KANSL1: variants seen among roughly 807,000 people sequenced by gnomAD.
KANSL1 encodes the protein MLL1/MLL complex subunit KANSL1.
Under a neutral mutation model 103.6 loss-of-function variants are expected in KANSL1, and 22 were observed. That is an observed-to-expected ratio of 0.21 (90% confidence interval 0.15 to 0.30). The LOEUF (loss-of-function observed/expected upper bound fraction) is 0.30, where lower values mean the gene tolerates loss of function less well. KANSL1 is among the 10% of genes least tolerant of loss of function. The pLI, the probability that KANSL1 is intolerant of heterozygous loss-of-function variation, is 1.00. For missense variants in KANSL1, 1,337 were observed against 1,399.8 expected (o/e 0.96, Z 0.72); for synonymous variants, 600 against 527.6 (o/e 1.14, Z -1.88).
At chr17:46,215,284 C>A (rs1205802039) in intron 1 of KANSL1, 1 of 152,518 alleles carries the variant, frequency 6.6e-6, no homozygotes, top group Non-Finnish European at 1.5e-5. Flanking sequence ...ACAGGGTTCA[C>A]AGAAGGAACT....
At chr17:46,087,194 T>G (rs1383602315) in intron 3 of KANSL1, among the ~76,000 whole-genome samples, 2 of 152,232 alleles carry the variant, frequency 1.3e-5, no homozygotes, top group Non-Finnish European at 2.9e-5. Context: ...CTCTTCTTCA[T>G]TTGTTCAGAG....
intron 6 of KANSL1, among the ~76,000 whole-genome samples, chr17:46,052,569 C>A (rs571041592): frequency 6.6e-6 from 1 of 151,998 alleles, no homozygotes; most frequent in Admixed American, 6.5e-5. Flanking sequence ...CACACCACTG[C>A]ACTCCAGCCT....
chr17:46,186,411 A>G (rs945595523), intron 1 of KANSL1, among the ~76,000 whole-genome samples: 12 of 145,952 alleles, frequency 8.2e-5, no homozygotes, highest in Non-Finnish European at 1.5e-4. Flanking sequence ...ATTCTAAAGG[A>G]AACAGGTTAT....
At chr17:46,099,483 C>T (rs963208788) in intron 2 of KANSL1, among the ~76,000 whole-genome samples, 1 of 152,120 alleles carries the variant, frequency 6.6e-6, no homozygotes, top group African/African-American at 2.4e-5. Flanking sequence ...ACATTAGGGA[C>T]ATGTTTAATG....
chr17:46,170,172 C>CCACA (rs2046210510), intron 2 of KANSL1: 1 of 150,266 alleles, frequency 6.7e-6, no homozygotes, highest in African/African-American at 2.4e-5. Context: ...CAAAAAACAA[C>CCACA]AAAAAAAACA....
chr17:46,177,823 G>C (rs2046596409), intron 1 of KANSL1, among the ~76,000 whole-genome samples: 1 of 151,806 alleles, frequency 6.6e-6, no homozygotes, highest in Non-Finnish European at 1.5e-5. Flanking sequence ...TGTCACCCAG[G>C]CTGGAGAGCA....
intron 2 of KANSL1, among the ~76,000 whole-genome samples, chr17:46,106,928 C>T (rs2042591855): frequency 1.3e-5 from 2 of 152,126 alleles, no homozygotes; most frequent in Admixed American, 1.3e-4. Context: ...GTTCTAAGCA[C>T]AATTATAAAT....
upstream of KANSL1, among the ~76,000 whole-genome samples, chr17:46,195,727 T>G (rs1389696398): frequency 1.3e-5 from 2 of 152,166 alleles, no homozygotes; most frequent in African/African-American, 4.8e-5. Context: ...TGTTATTTTT[T>G]TCACTCCTTT....
At chr17:46,037,818 A>T (rs2077194055) in intron 10 of KANSL1, 1 of 152,244 alleles carries the variant, frequency 6.6e-6, no homozygotes, top group Non-Finnish European at 1.5e-5. Flanking sequence ...CATAGCAGCT[A>T]CAGGTATGTA....
chr17:46,122,235 C>T (rs2043313030), intron 2 of KANSL1, among the ~76,000 whole-genome samples: 1 of 152,186 alleles, frequency 6.6e-6, no homozygotes, highest in Non-Finnish European at 1.5e-5. Flanking sequence ...AGGCTTCAAG[C>T]CCCTCTATCA....
At chr17:46,081,309 T>C (rs541563098) in intron 4 of KANSL1, among the ~76,000 whole-genome samples, 1 of 152,318 alleles carries the variant, frequency 6.6e-6, no homozygotes, top group Non-Finnish European at 1.5e-5. Flanking sequence ...ATACCACCAA[T>C]GTATCTATGT....
intron 7 of KANSL1, chr17:46,049,568 G>A (rs1378319617): frequency 1.3e-5 from 2 of 152,042 alleles, no homozygotes; most frequent in African/African-American, 4.8e-5. Flanking sequence ...TGCCTGCCTT[G>A]GTCTCCCAAA....
chr17:46,132,939 G>A (rs955335160), intron 2 of KANSL1, among the ~76,000 whole-genome samples: 1 of 152,214 alleles, frequency 6.6e-6, no homozygotes, highest in East Asian at 1.9e-4. Context: ...GCAAGACCGT[G>A]TCTCGAAAAA....
intron 4 of KANSL1, among the ~76,000 whole-genome samples, chr17:46,069,706 T>G (rs1264317280): frequency 6.6e-6 from 1 of 151,968 alleles, no homozygotes; most frequent in Non-Finnish European, 1.5e-5. Context: ...ATCACGCCAC[T>G]GCACTGCAGC....
chr17:46,173,639 GCAAT>G (rs908363157), intron 1 of KANSL1, among the ~76,000 whole-genome samples: 1 of 152,186 alleles, frequency 6.6e-6, no homozygotes, highest in Non-Finnish European at 1.5e-5. Flanking sequence ...GTTGACATTT[GCAAT>G]CAGAGTACAA....
chr17:46,194,194 G>C (rs965934209), upstream of KANSL1, among the ~76,000 whole-genome samples: 1 of 152,266 alleles, frequency 6.6e-6, no homozygotes, highest in Non-Finnish European at 1.5e-5. Context: ...TGTAGTTTTC[G>C]TGAAGAAACA....
chr17:46,046,764 G>A (rs1453747005), intron 7 of KANSL1, among the ~76,000 whole-genome samples: 1 of 151,200 alleles, frequency 6.6e-6, no homozygotes, highest in Admixed American at 6.6e-5. Flanking sequence ...TTGAACTTGG[G>A]AGGCGGAGGT....
intron 2 of KANSL1, among the ~76,000 whole-genome samples, chr17:46,097,763 T>C (rs1401105536): frequency 2.0e-5 from 3 of 152,092 alleles, no homozygotes; most frequent in Admixed American, 6.5e-5. Flanking sequence ...CTAAAACTTA[T>C]GACTATAGGT....
intron 2 of KANSL1, among the ~76,000 whole-genome samples, chr17:46,129,538 C>T (rs2043742599): frequency 6.6e-6 from 1 of 152,214 alleles, no homozygotes; most frequent in Non-Finnish European, 1.5e-5. Flanking sequence ...CCTGCCTCAC[C>T]AAACACAGCT....
Sources: gnomAD v4.1 joint callset for allele counts (sites outside exome capture counted in the v4.1 genomes callset) on GRCh38, gnomAD v4.1.1 for gene constraint, MANE v1.5 for transcripts, NCBI Gene and HGNC (gene_info 2026-07-23, HGNC 2026-07-21) for gene names.